The following THBS4 variants were observed in gnomAD, a reference collection of about 807,000 sequenced individuals.
The protein encoded by THBS4 is thrombospondin-4.
Under a neutral mutation model 115.7 loss-of-function variants are expected in THBS4, and 90 were observed. The observed-to-expected ratio is 0.78, with a 90% confidence interval of 0.66 to 0.93. The LOEUF is 0.93. THBS4 is among the 40% of genes least tolerant of loss of function. The pLI, the probability that THBS4 is intolerant of heterozygous loss-of-function variation, is 0.00. For missense variants in THBS4, 1,087 were observed against 1,232.7 expected, an observed-to-expected ratio of 0.88 and a Z score of 1.77; for synonymous variants, 460 against 479.3, an observed-to-expected ratio of 0.96 and a Z score of 0.53.
intron 2 of THBS4, among the ~76,000 whole-genome samples, chr5:80,027,311 C>T (rs564861553): frequency 1.3e-5 from 2 of 152,318 alleles, no homozygotes; most frequent in Middle Eastern, 3.4e-3. Flanking sequence ...CCACCCTCTC[C>T]TTGTTTCCTA....
chr5:80,015,075 A>G (rs560252328), intron 2 of THBS4, among the ~76,000 whole-genome samples: 3 of 152,372 alleles, frequency 2.0e-5, no homozygotes, highest in East Asian at 1.9e-4. Context: ...AAATCTTTTA[A>G]TGGAAACTTT....
At chr5:80,032,916 C>T (rs945464028), upstream of THBS4, among the ~76,000 whole-genome samples, 14 of 152,206 alleles carry the variant, frequency 9.2e-5, no homozygotes, top group African/African-American at 3.4e-4. Flanking sequence ...TGACACTCAA[C>T]ATTAACCATC....
At position 80,056,047 on chromosome 5, in the gene THBS4, A is replaced by C; in HGVS notation, c.540+15A>C. The C allele has an allele frequency of 6.3e-7, 1 of 1,582,576 alleles. No individual in the cohort carries two copies. Among genetic ancestry groups the C allele is most frequent in the Non-Finnish European group, 8.6e-7 (1 of 1,161,726 alleles). ...GGAAGCCACAGGTAGGAACCCACAAACCATTCTCTGAAGTGGAAAAATGAG... is the reference window on the plus strand; with the variant it reads ...GGAAGCCACAGGTAGGAACCCACAACCCATTCTCTGAAGTGGAAAAATGAG... On this transcript the variant is annotated intron_variant, in intron 3 of 21. Transcript: ENST00000350881.
chr5:80,018,531 A>G (rs1021500675), intron 2 of THBS4, among the ~76,000 whole-genome samples: 1 of 150,594 alleles, frequency 6.6e-6, no homozygotes, highest in Non-Finnish European at 1.5e-5. Context: ...AGTAGCTGAG[A>G]TTAGAGGCAC....
chr5:80,036,082 T>C, intron 1 of THBS4: 1 of 988,012 alleles, frequency 1.0e-6, no homozygotes, highest in Non-Finnish European at 1.2e-6. Flanking sequence ...AGAATTACTC[T>C]ACTTGCCCTG....
chr5:80,022,163 T>C (rs1382166857), intron 2 of THBS4, among the ~76,000 whole-genome samples: 1 of 152,202 alleles, frequency 6.6e-6, no homozygotes, highest in Non-Finnish European at 1.5e-5. Context: ...TCAGGCACTT[T>C]CAGGGTAAAA....
intron 19 of THBS4, 61 bp from the exon 20 acceptor site, chr5:80,079,844 A>G: frequency 3.2e-6 from 5 of 1,543,826 alleles, no homozygotes; most frequent in Non-Finnish European, 4.4e-6. Context: ...CTTCAGATCC[A>G]GGAAGCAGGA....
chr5:80,067,187 G>A (rs144476597), intron 9 of THBS4: 69 of 152,144 alleles, frequency 4.5e-4, no homozygotes, highest in African/African-American at 1.6e-3. Flanking sequence ...AGAAAAAAAG[G>A]AAGGTAACTA....
intron 1 of THBS4, among the ~76,000 whole-genome samples, chr5:80,037,312 C>A (rs1580931537): frequency 6.6e-6 from 1 of 152,032 alleles, no homozygotes; most frequent in East Asian, 1.9e-4. Context: ...CTGATAGATT[C>A]TTTTATTGCA....
chr5:80,021,378 T>C (rs1276594375), intron 2 of THBS4, among the ~76,000 whole-genome samples: 1 of 152,182 alleles, frequency 6.6e-6, no homozygotes, highest in African/African-American at 2.4e-5. Flanking sequence ...TATCACTAAA[T>C]TTTTTCATTT....
At chr5:80,069,385 C>T (rs1251917282) in intron 10 of THBS4, among the ~76,000 whole-genome samples, 5 of 152,072 alleles carry the variant, frequency 3.3e-5, no homozygotes, top group African/African-American at 7.2e-5. Flanking sequence ...GGGGAATAAC[C>T]CCAGCAATTT....
rs200373343 is a variant in THBS4, at chr5:80,040,268, C to A, written c.280C>A (p.Arg94Ser). The part of the protein sequence containing the change: ...SKYFEFTVMG[R>S]LNKAILRYLK... Reference sequence around the variant, plus strand: ...ATATTTTGAATTTACTGTGATGGGACGCTTAAACAAAGGTAAGCAAATTTG... The same window carrying A: ...ATATTTTGAATTTACTGTGATGGGAAGCTTAAACAAAGGTAAGCAAATTTG... The change falls in exon 2 of 22, where the codon CGC (arginine) becomes AGC (serine). Residue 94 changes from arginine to serine, a missense_variant. By Grantham distance (110) the Arg-to-Ser change is moderately radical (BLOSUM62 -1). Transcript: ENST00000350881. 5.6e-6 allele frequency: 9 copies of A among 1,612,942 alleles called. No homozygotes were observed. In the East Asian group the frequency reaches 1.6e-4, roughly 28 times the overall value.
chr5:80,070,238 C>T (rs1232571928), intron 10 of THBS4, 68 bp from the exon 11 acceptor site: 34 of 1,355,168 alleles, frequency 2.5e-5, no homozygotes, highest in Non-Finnish European at 3.4e-5. Context: ...AGCAGAGAGG[C>T]CCTTGTCAGC....
At chr5:80,074,574 TG>T (rs1455415046) in intron 15 of THBS4, among the ~76,000 whole-genome samples, 3 of 151,600 alleles carry the variant, frequency 2.0e-5, no homozygotes, top group Admixed American at 6.6e-5. Flanking sequence ...AACCAGTTCC[TG>T]ACCCAAACCT....
chr5:80,014,179 C>T (rs1832202995), intron 2 of THBS4, among the ~76,000 whole-genome samples: 1 of 152,196 alleles, frequency 6.6e-6, no homozygotes, highest in Non-Finnish European at 1.5e-5. Context: ...TACATATGTC[C>T]CACCTAACCA....
At chr5:80,052,954 C>T (rs186068522) in intron 2 of THBS4, 162 of 152,266 alleles carry the variant, frequency 1.1e-3, no homozygotes, top group African/African-American at 3.8e-3. Flanking sequence ...AGATTAACAG[C>T]AGCACAGTCT....
At chr5:80,044,971 G>A (rs1449186753) in intron 2 of THBS4, among the ~76,000 whole-genome samples, 2 of 152,118 alleles carry the variant, frequency 1.3e-5, no homozygotes, top group Non-Finnish European at 2.9e-5. Context: ...GTCACAAACT[G>A]CATCACCATG....
At chr5:80,022,620 A>T (rs901505975) in intron 2 of THBS4, among the ~76,000 whole-genome samples, 1 of 152,238 alleles carries the variant, frequency 6.6e-6, no homozygotes, top group Admixed American at 6.5e-5. Flanking sequence ...TATCAAACCA[A>T]TCTTTCTCCC....
Position 80,068,145 on chromosome 5 carries a change from C to A in THBS4, c.1347+20C>A. ...TGTGTGGTAAGTTGTTTTTTGACTT[C>A]CTCTATCATTTTTCCTCTTCCATTT... On this transcript the variant is annotated intron_variant, in intron 10 of 21. Coordinates refer to ENST00000350881, the MANE Select transcript of THBS4 (RefSeq NM_003248.6). 6.2e-7 allele frequency: 1 copy of A among 1,612,300 alleles called. No individual in the cohort carries two copies. The highest frequency in any genetic ancestry group is 8.5e-7 in the Non-Finnish European group (1 of 1,178,998).
Sources: gnomAD v4.1 joint callset for allele counts (sites outside exome capture counted in the v4.1 genomes callset) on GRCh38, gnomAD v4.1.1 for gene constraint, MANE v1.5 for transcripts, NCBI Gene and HGNC (gene_info 2026-07-23, HGNC 2026-07-21) for gene names.